The following SKA2 variants were observed in gnomAD, a reference collection of about 807,000 sequenced individuals.
SKA2 encodes the protein spindle and kinetochore-associated protein 2.
In SKA2, 13 loss-of-function variants were observed where a neutral mutation model predicts 16.9. That is an observed-to-expected ratio of 0.77 (90% CI 0.50 to 1.22). The LOEUF is 1.22. SKA2 is among the 50% of genes most tolerant of loss of function. The pLI is 0.00. For synonymous variants in SKA2, 47 were observed against 48.5 expected, an observed-to-expected ratio of 0.97 and a Z score of 0.13; for missense variants, 107 against 139.7, an observed-to-expected ratio of 0.77 and a Z score of 1.18.
intron 3 of SKA2, among the ~76,000 whole-genome samples, chr17:59,118,528 G>A (rs941234473): frequency 6.6e-6 from 1 of 152,096 alleles, no homozygotes; most frequent in African/African-American, 2.4e-5. Context: ...GTGCTCTATT[G>A]TCAGGCACAT....
At chr17:59,145,200 C>A (rs927024720) in intron 1 of SKA2, among the ~76,000 whole-genome samples, 3 of 151,976 alleles carry the variant, frequency 2.0e-5, no homozygotes, top group Non-Finnish European at 2.9e-5. Flanking sequence ...TTGTTAAGAT[C>A]ATAAACATTA....
At chr17:59,145,627 C>T (rs2046526242) in intron 1 of SKA2, among the ~76,000 whole-genome samples, 1 of 152,046 alleles carries the variant, frequency 6.6e-6, no homozygotes, top group Non-Finnish European at 1.5e-5. Flanking sequence ...CATTAGTCAA[C>T]ATATTTATCT....
intron 1 of SKA2, among the ~76,000 whole-genome samples, chr17:59,143,449 T>C (rs1289038618): frequency 3.3e-5 from 5 of 152,164 alleles, no homozygotes; most frequent in Non-Finnish European, 7.3e-5. Context: ...GGGCGCCATC[T>C]CAGTTCACTG....
chr17:59,148,854 G>A (rs927862358), intron 1 of SKA2, among the ~76,000 whole-genome samples: 16 of 146,760 alleles, frequency 1.1e-4, no homozygotes, highest in African/African-American at 4.0e-4. Context: ...GCAAAAGATT[G>A]TGAGACATTT....
chr17:59,110,124 T>C lies in SKA2; in HGVS notation c.*2153A>G, dbSNP rs972085038. On this transcript the variant is annotated 3_prime_UTR_variant, in exon 4 of 4. Transcript: ENST00000330137. ...TAGGGGATTTTATTGGAAATACGGATCTAGAGCTAGTGGAAGAAGTTATAT... is the reference window on the plus strand; with the variant it reads ...TAGGGGATTTTATTGGAAATACGGACCTAGAGCTAGTGGAAGAAGTTATAT... The C allele has an allele frequency of 6.6e-6, 1 of 152,114 alleles. No individual in the cohort carries two copies. Among genetic ancestry groups the C allele is most frequent in the African/African-American group, 2.4e-5 (1 of 41,402 alleles). The allele number at this position is 152,114 out of a possible 1,614,324, so 9.4% of individuals were successfully genotyped here.
chr17:59,139,948 A>G lies in SKA2; in HGVS notation c.34-8581T>C, dbSNP rs536612595. ...ACCTGGGAACCCAACTACCCTTTAA[A>G]ACACGTTTTAAGGGAAATATTTCAA... On this transcript the variant is annotated intron_variant, in intron 1 of 3. Transcript: ENST00000330137. Among the ~76,000 whole-genome samples, 8 of 152,294 alleles carry G rather than the reference A, an allele frequency of 5.3e-5. No individual in the cohort carries two copies. In the South Asian group the frequency reaches 8.3e-4, roughly 16 times the overall value.
At chr17:59,140,656 G>T (rs1416742180) in intron 1 of SKA2, among the ~76,000 whole-genome samples, 1 of 151,518 alleles carries the variant, frequency 6.6e-6, no homozygotes, top group East Asian at 1.9e-4. Flanking sequence ...AGTTGCCCAG[G>T]CTGGTGTGTA....
At chr17:59,133,048 G>A (rs977101823) in intron 1 of SKA2, among the ~76,000 whole-genome samples, 1 of 152,188 alleles carries the variant, frequency 6.6e-6, no homozygotes, top group Non-Finnish European at 1.5e-5. Flanking sequence ...CACCATCATA[G>A]CTCACTGCAG....
chr17:59,126,140 C>T (rs953429157), intron 2 of SKA2, among the ~76,000 whole-genome samples: 2 of 151,922 alleles, frequency 1.3e-5, no homozygotes, highest in Non-Finnish European at 2.9e-5. Context: ...CACTGCACTC[C>T]AGCCTGGGCG....
chr17:59,111,017 T>TA lies in SKA2; in HGVS notation c.*1259dup, dbSNP rs1455252245. ...CCTAGTCCTTTCAATGCTTAGTTTT[T>TA]ATTACATGTATGTAATATCACTTAT... On this transcript the variant is annotated 3_prime_UTR_variant, in exon 4 of 4. Coordinates refer to ENST00000330137, the MANE Select transcript of SKA2 (RefSeq NM_182620.4). 1 of 152,214 alleles carries TA rather than the reference T, an allele frequency of 6.6e-6. No homozygotes were observed. The highest frequency in any genetic ancestry group is 1.5e-5 in the Non-Finnish European group (1 of 68,036). The allele number at this position is 152,214 out of a possible 1,614,324, so 9.4% of individuals were successfully genotyped here. A position where few individuals can be genotyped will look rare whatever the true frequency, so the allele number is the denominator to read the frequency against.
At position 59,111,386 on chromosome 17, in the gene SKA2, C is replaced by T. The variant is rs1204148820; in HGVS notation, c.*891G>A. ...ATGTATATTGCTATTATAAACAACC[C>T]TGTGATTAACATCTTTCTATCAAGA... On this transcript the variant is annotated 3_prime_UTR_variant, in exon 4 of 4. Transcript: ENST00000330137. The T allele has an allele frequency of 6.6e-6, 1 of 152,178 alleles. No individual in the cohort carries two copies. Among genetic ancestry groups the T allele is most frequent in the Admixed American group, 6.5e-5 (1 of 15,276 alleles). 9.4% of individuals were successfully genotyped at this position (152,178 alleles called of 1,614,324 possible). A position where few individuals can be genotyped will look rare whatever the true frequency, so the allele number is the denominator to read the frequency against.
chr17:59,139,337 C>T (rs568729564), intron 1 of SKA2, among the ~76,000 whole-genome samples: 2 of 138,166 alleles, frequency 1.4e-5, no homozygotes, highest in South Asian at 4.4e-4. Context: ...GCAGAGGTTG[C>T]AGAGAGCCGA....
In SKA2 at chr17:59,131,326, C is replaced by T; in HGVS notation, c.75G>A (p.Arg25=). 1 of 1,582,132 alleles carries T rather than the reference C, an allele frequency of 6.3e-7. No individual in the cohort carries two copies. The highest frequency in any genetic ancestry group is 8.6e-7 in the Non-Finnish European group (1 of 1,161,876). The part of the protein sequence containing the change: ...AESDLDYIQY[R]LEYEIKTNHP... ...GATTAGTCTTGATTTCATATTCCAG[C>T]CTGTATTGAATGTAATCCAGATCAG... Residue 25 remains arginine, a synonymous_variant, in exon 2 of 4, where the codon AGG becomes AGA. Transcript: ENST00000330137.
chr17:59,126,058 CTA>C (rs1196914448), intron 2 of SKA2, among the ~76,000 whole-genome samples: 7 of 152,068 alleles, frequency 4.6e-5, no homozygotes, highest in Non-Finnish European at 1.0e-4. Context: ...GTAGTCCCAG[CTA>C]CTCGGGAGGC....
intron 2 of SKA2, among the ~76,000 whole-genome samples, chr17:59,125,073 A>T (rs993708033): frequency 7.3e-5 from 11 of 150,394 alleles, no homozygotes; most frequent in African/African-American, 2.7e-4. Flanking sequence ...TCCCAGGTTC[A>T]AGCAATTCTC....
intron 1 of SKA2, among the ~76,000 whole-genome samples, chr17:59,142,589 CTATG>C (rs891831014): frequency 1.6e-4 from 24 of 149,770 alleles, no homozygotes; most frequent in African/African-American, 4.7e-4. Context: ...CGTGCCCAGC[CTATG>C]TATGTATTTT....
At position 59,155,110 on chromosome 17, in the gene SKA2, TCTC is replaced by T; in HGVS notation, c.33+18_33+20del. The T allele has an allele frequency of 1.9e-6, 3 of 1,613,936 alleles. No homozygotes were observed. The highest frequency in any genetic ancestry group is 2.5e-6 in the Non-Finnish European group (3 of 1,179,880). ...GGGGAAAAATAAACTACCCAGTAGA[TCTC>T]CTTCACTTTGCACTCACCATCAGTT... On this transcript the variant is annotated intron_variant, in intron 1 of 3. Transcript: ENST00000330137.
intron 1 of SKA2, among the ~76,000 whole-genome samples, chr17:59,145,387 A>G (rs899921598): frequency 6.6e-6 from 1 of 151,920 alleles, no homozygotes; most frequent in Non-Finnish European, 1.5e-5. Flanking sequence ...TACAATAAAC[A>G]CTCATCTCTG....
At chr17:59,155,071 C>T (rs763229439) in intron 1 of SKA2, 60 bp downstream of exon 1, 4 of 1,614,036 alleles carry the variant, frequency 2.5e-6, no homozygotes, top group South Asian at 1.1e-5. Context: ...TTGTGCCCCA[C>T]CTCCGAGGCC....
Sources: allele counts gnomAD v4.1 joint callset (sites outside exome capture counted in the v4.1 genomes callset), GRCh38; gene constraint gnomAD v4.1.1; transcripts MANE v1.5; gene names NCBI Gene and HGNC (gene_info 2026-07-23, HGNC 2026-07-21).